The following FAM229B variants were observed in gnomAD, a reference collection of about 807,000 sequenced individuals.
FAM229B encodes family with sequence similarity 229 member B, also known as protein FAM229B.
A neutral mutation model predicts 6.7 loss-of-function variants in FAM229B; 2 were observed. The ratio of observed to expected loss-of-function variants is 0.30; its 90% confidence interval spans 0.12 to 0.94. The LOEUF is 0.94. Ranked by LOEUF, FAM229B falls within the 40% of genes least tolerant of loss-of-function variation. The pLI is 0.54. For synonymous variants in FAM229B, 29 were observed against 34.0 expected, an observed-to-expected ratio of 0.85 and a Z score of 0.51; for missense variants, 93 against 96.2, an observed-to-expected ratio of 0.97 and a Z score of 0.14.
chr6:112,090,843 T>C, intron 1 of FAM229B, among the ~76,000 whole-genome samples: 1 of 152,210 alleles, frequency 6.6e-6, no homozygotes, highest in East Asian at 1.9e-4. Flanking sequence ...TTTCACATAC[T>C]CAGAATTTTT....
intron 1 of FAM229B, among the ~76,000 whole-genome samples, chr6:112,092,622 A>G (rs1257964777): frequency 6.6e-6 from 1 of 152,116 alleles, no homozygotes; most frequent in Non-Finnish European, 1.5e-5. Flanking sequence ...ACTGAAAATG[A>G]TAAAAATGTA....
chr6:112,099,236 T>C (rs1777363700), intron 2 of FAM229B, 34 bp from the exon 3 acceptor site: 1 of 1,576,236 alleles, frequency 6.3e-7, no homozygotes, highest in Non-Finnish European at 8.7e-7. Flanking sequence ...AATTTTCTAA[T>C]CTAGGTTTTC....
chr6:112,099,299 G>C lies in FAM229B; in HGVS notation c.16G>C (p.Gly6Arg). 6.2e-7 allele frequency: 1 copy of C among 1,613,006 alleles called. No homozygotes were observed. Among genetic ancestry groups the C allele is most frequent in the African/African-American group, 1.3e-5 (1 of 74,934 alleles). ...TCAGTGAAGTATGCCTTTTCAATTTGGAACCCAGCCAAGGAGGTTTCCAGT... is the reference window on the plus strand; with the variant it reads ...TCAGTGAAGTATGCCTTTTCAATTTCGAACCCAGCCAAGGAGGTTTCCAGT... MPFQF[G>R]TQPRRFPVEG... The change falls in exon 3 of 4, where the codon GGA becomes CGA. Residue 6 changes from glycine (G) to arginine (R), a missense_variant. Transcript: ENST00000368656.
intron 1 of FAM229B, among the ~76,000 whole-genome samples, chr6:112,095,586 T>G (rs140454695): frequency 2.9e-3 from 363 of 127,324 alleles, no homozygotes; most frequent in African/African-American, 0.011. Context: ...CAGTCAGCCA[T>G]GATCATGCCA....
rs1777400746 is a variant in FAM229B at position 112,101,634 on chromosome 6, T to A, written c.*847T>A. The A allele has an allele frequency of 6.6e-6, 1 of 152,178 alleles. No individual in the cohort carries two copies. Among genetic ancestry groups the A allele is most frequent in the Non-Finnish European group, 1.5e-5 (1 of 68,036 alleles). The allele number at this position is 152,178 out of a possible 1,614,324, so 9.4% of individuals were successfully genotyped here. On this transcript the variant is annotated 3_prime_UTR_variant, in exon 4 of 4. Transcript: ENST00000368656. ...AGAAACTCAGTCTGCTTTCCTTTTCTCTCGATGGCTGTCAGCACCCATCTA... is the reference window on the plus strand; with the variant it reads ...AGAAACTCAGTCTGCTTTCCTTTTCACTCGATGGCTGTCAGCACCCATCTA...
At chr6:112,096,852 G>T (rs1367200225) in intron 1 of FAM229B, among the ~76,000 whole-genome samples, 189 bp from the exon 2 acceptor site, 1 of 152,116 alleles carries the variant, frequency 6.6e-6, no homozygotes, top group Non-Finnish European at 1.5e-5. Flanking sequence ...AAAATGAGAA[G>T]AATCTCAATT....
chr6:112,098,625 T>C (rs978032823), intron 2 of FAM229B, among the ~76,000 whole-genome samples: 3 of 152,314 alleles, frequency 2.0e-5, no homozygotes, highest in East Asian at 1.9e-4. Flanking sequence ...GGGACTATAC[T>C]GTGACTATAG....
rs1057244176 is a variant in FAM229B, at chr6:112,100,853, C to T, written c.*66C>T. ...TAATGGACCAGTATCATCTGGTGAT[C>T]TGGTAAACAAATAAAAGTGGTGGCA... On this transcript the variant is annotated 3_prime_UTR_variant, in exon 4 of 4. Coordinates refer to ENST00000368656, the MANE Select transcript of FAM229B (RefSeq NM_001033564.3). The T allele has an allele frequency of 8.5e-7, 1 of 1,176,938 alleles. No homozygotes were observed. The highest frequency in any genetic ancestry group is 1.3e-6 in the Non-Finnish European group (1 of 793,556). The allele number at this position is 1,176,938 out of a possible 1,614,324, so 72.9% of individuals were successfully genotyped here.
chr6:112,091,719 A>T (rs1320450815), intron 1 of FAM229B, among the ~76,000 whole-genome samples: 4 of 152,192 alleles, frequency 2.6e-5, no homozygotes, highest in Non-Finnish European at 2.9e-5. Flanking sequence ...TGCAAAGATG[A>T]GTCCCATAAT....
chr6:112,096,249 A>G (rs1470532988), intron 1 of FAM229B, among the ~76,000 whole-genome samples: 1 of 152,156 alleles, frequency 6.6e-6, no homozygotes, highest in African/African-American at 2.4e-5. Context: ...AATAATGAGG[A>G]CAGTACAAGA....
chr6:112,090,628 G>A (rs782319257), intron 1 of FAM229B, among the ~76,000 whole-genome samples: 15 of 151,852 alleles, frequency 9.9e-5, no homozygotes, highest in Admixed American at 6.6e-4. Context: ...CATGATACAT[G>A]TCCATTGAGG....
chr6:112,098,208 T>G (rs2114509431), intron 2 of FAM229B, among the ~76,000 whole-genome samples: 1 of 152,198 alleles, frequency 6.6e-6, no homozygotes, highest in Non-Finnish European at 1.5e-5. Flanking sequence ...ATAATGGGGG[T>G]TATAAAAGTA....
In FAM229B at chr6:112,100,755, G is replaced by A; in HGVS notation, c.211G>A (p.Ala71Thr). The A allele has an allele frequency of 6.2e-7, 1 of 1,613,842 alleles. No homozygotes were observed. The highest frequency in any genetic ancestry group is 1.7e-4 in the Middle Eastern group (1 of 6,058). Reference sequence around the variant, plus strand: ...TTATGCAACAACGAGAAAGCCACCTGCACAAAGCAGCAAGGAAATGCATCC... The same window carrying A: ...TTATGCAACAACGAGAAAGCCACCTACACAAAGCAGCAAGGAAATGCATCC... ...TVYATTRKPP[A>T]QSSKEMHPK The change falls in exon 4 of 4, where the codon GCA (alanine) becomes ACA (threonine). Residue 71 changes from alanine to threonine, a missense_variant. By Grantham distance (58) the Ala-to-Thr change is moderately conservative. Transcript: ENST00000368656.
intron 1 of FAM229B, among the ~76,000 whole-genome samples, chr6:112,088,569 G>A (rs1168611044): frequency 6.6e-6 from 1 of 151,998 alleles, no homozygotes; most frequent in Admixed American, 6.6e-5. Flanking sequence ...ACCAAGACAC[G>A]TAGTAGTTAC....
intron 3 of FAM229B, among the ~76,000 whole-genome samples, chr6:112,100,096 A>G (rs1007136611): frequency 1.3e-5 from 2 of 152,196 alleles, no homozygotes; most frequent in African/African-American, 4.8e-5. Flanking sequence ...GGAAGTAGTG[A>G]GCTCCCGATC....
In FAM229B at chr6:112,099,321, C is replaced by T. The variant is rs782514582; in HGVS notation, c.38C>T (p.Pro13Leu). 3 of 1,613,834 alleles carry T rather than the reference C, an allele frequency of 1.9e-6. No individual in the cohort carries two copies. The South Asian group carries it at 3.3e-5, about 18-fold the overall frequency. Residue 13 changes from proline to leucine, a missense_variant, in exon 3 of 4, where the codon CCA becomes CTA. Transcript: ENST00000368656. ...TTTGGAACCCAGCCAAGGAGGTTTCCAGTGGAAGGAGGAGATTCTTCAATT... is the reference window on the plus strand; with the variant it reads ...TTTGGAACCCAGCCAAGGAGGTTTCTAGTGGAAGGAGGAGATTCTTCAATT... ...FQFGTQPRRF[P>L]VEGGDSSIEL... is the part of the protein sequence containing the mutation.
chr6:112,095,703 T>G (rs1390832679), intron 1 of FAM229B, among the ~76,000 whole-genome samples: 1 of 147,568 alleles, frequency 6.8e-6, no homozygotes, highest in East Asian at 2.0e-4. Context: ...CTAACCTAAT[T>G]CTGATGCTAA....
At position 112,100,799 on chromosome 6, in the gene FAM229B, C is replaced by G; in HGVS notation, c.*12C>G. ...TGCATCCTAAATAGCACCATTAAGT[C>G]TTTTGTCAAGGTCTGACTAGGTCAA... On this transcript the variant is annotated 3_prime_UTR_variant, in exon 4 of 4. Coordinates refer to ENST00000368656, the MANE Select transcript of FAM229B (RefSeq NM_001033564.3). 1 of 1,596,776 alleles carries G rather than the reference C, an allele frequency of 6.3e-7. No individual in the cohort carries two copies. The highest frequency in any genetic ancestry group is 1.1e-5 in the South Asian group (1 of 90,650).
At chr6:112,089,100 A>C (rs587723973) in intron 1 of FAM229B, among the ~76,000 whole-genome samples, 41 of 152,354 alleles carry the variant, frequency 2.7e-4, no homozygotes, top group Non-Finnish European at 5.4e-4. Context: ...GCTATTCAGA[A>C]TATTATAAGC....
Sources: allele counts gnomAD v4.1 joint callset (sites outside exome capture counted in the v4.1 genomes callset), GRCh38; gene constraint gnomAD v4.1.1; transcripts MANE v1.5; gene names NCBI Gene and HGNC (gene_info 2026-07-23, HGNC 2026-07-21).